Variants in OTUD7B observed in about 807,000 individuals in gnomAD.
OTUD7B encodes the protein OTU domain-containing protein 7B.
In OTUD7B, 34 loss-of-function variants were observed where a neutral mutation model predicts 82.2. That is an observed-to-expected ratio of 0.41 (90% CI 0.31 to 0.55). OTUD7B has a LOEUF of 0.55. OTUD7B is among the 20% of genes least tolerant of loss of function. The probability of loss-of-function intolerance (pLI) is 0.20; values close to 1 mark genes in which losing one functional copy is unlikely to be tolerated. For missense variants in OTUD7B, 944 were observed against 1,062.1 expected, an observed-to-expected ratio of 0.89 and a Z score of 1.55; for synonymous variants, 398 against 402.7, an observed-to-expected ratio of 0.99 and a Z score of 0.14.
rs986806578 is a variant in OTUD7B at position 149,943,810 on chromosome 1, T to C, written c.*47A>G. On this transcript the variant is annotated 3_prime_UTR_variant, in exon 12 of 12. Coordinates refer to ENST00000581312, the MANE Select transcript of OTUD7B (RefSeq NM_020205.4). ...CTGTGTTCTTGATGAGCCAATTAGT[T>C]GAGCTTAACTTTGTTTAGCCTCCTT... 2 of 1,566,684 alleles carry C rather than the reference T, an allele frequency of 1.3e-6. No homozygotes were observed. Among genetic ancestry groups the C allele is most frequent in the Admixed American group, 3.4e-5 (2 of 58,684 alleles).
the OTUD7B span, among the ~76,000 whole-genome samples, chr1:150,058,898 A>G: frequency 2.6e-5 from 4 of 152,128 alleles, no homozygotes; most frequent in Non-Finnish European, 5.9e-5. Flanking sequence ...TTAGGAAAAA[A>G]TATTTCTTTT....
chr1:150,037,879 GT>G, the OTUD7B span, among the ~76,000 whole-genome samples: 3 of 151,120 alleles, frequency 2.0e-5, no homozygotes, highest in Admixed American at 6.6e-5. Flanking sequence ...AGCTTTGTTT[GT>G]TTTTTTCAGA....
chr1:150,024,839 G>A, the OTUD7B span, among the ~76,000 whole-genome samples: 1 of 151,558 alleles, frequency 6.6e-6, no homozygotes, highest in African/African-American at 2.4e-5. Context: ...CTTGAGGTCA[G>A]GAGTTCAAGA....
chr1:150,039,439 G>C, the OTUD7B span, among the ~76,000 whole-genome samples: 1 of 151,916 alleles, frequency 6.6e-6, no homozygotes, highest in East Asian at 1.9e-4. Flanking sequence ...GTGCAGTGGC[G>C]CGATCTAGGC....
At chr1:149,967,072 C>T (rs1291374772) in intron 4 of OTUD7B, among the ~76,000 whole-genome samples, 1 of 152,134 alleles carries the variant, frequency 6.6e-6, no homozygotes, top group Non-Finnish European at 1.5e-5. Flanking sequence ...GGCCTTTTCA[C>T]ATGTGTATCT....
At chr1:149,967,220 G>A (rs1407610996) in intron 4 of OTUD7B, 74 bp downstream of exon 4, 3 of 1,053,528 alleles carry the variant, frequency 2.8e-6, no homozygotes, top group Non-Finnish European at 4.3e-6. Context: ...TAGCGATCAA[G>A]TCCAGCCCCT....
the OTUD7B span, among the ~76,000 whole-genome samples, chr1:150,025,432 A>AACACACAC: frequency 2.1e-4 from 31 of 146,906 alleles, no homozygotes; most frequent in Admixed American, 3.4e-4. Context: ...AAGCAAACAA[A>AACACACAC]ACACACACAC....
chr1:150,005,834 T>C (rs901515028), intron 1 of OTUD7B, among the ~76,000 whole-genome samples: 2 of 152,330 alleles, frequency 1.3e-5, no homozygotes, highest in South Asian at 4.1e-4. Flanking sequence ...GTCCAGATAC[T>C]GTGAATGAAG....
At chr1:150,062,434 C>G in the OTUD7B span, among the ~76,000 whole-genome samples, 1 of 152,118 alleles carries the variant, frequency 6.6e-6, no homozygotes, top group Non-Finnish European at 1.5e-5. Context: ...CGAATGTTTA[C>G]TAGTCATTTA....
intron 1 of OTUD7B, among the ~76,000 whole-genome samples, chr1:150,003,307 G>T (rs1343076162): frequency 1.3e-5 from 2 of 151,060 alleles, no homozygotes; most frequent in Non-Finnish European, 2.9e-5. Context: ...TACCTCTTCA[G>T]CCTGCCCTCC....
intron 2 of OTUD7B, among the ~76,000 whole-genome samples, chr1:149,973,217 G>A (rs782388040): frequency 7.2e-5 from 11 of 152,128 alleles, no homozygotes; most frequent in Non-Finnish European, 1.0e-4. Flanking sequence ...TTTATAATAC[G>A]ATAGTTTACT....
At chr1:150,006,317 C>T (rs112383474) in intron 1 of OTUD7B, among the ~76,000 whole-genome samples, 2,945 of 152,048 alleles carry the variant, frequency 0.019, 80 homozygotes, top group African/African-American at 0.064. Context: ...ATTAACCGGG[C>T]GTGGTGGTGG....
chr1:150,049,470 G>C, the OTUD7B span, among the ~76,000 whole-genome samples: 3 of 152,042 alleles, frequency 2.0e-5, no homozygotes, highest in Non-Finnish European at 4.4e-5. Flanking sequence ...TGTATATTTT[G>C]TGCCATGAAC....
the OTUD7B span, among the ~76,000 whole-genome samples, chr1:150,039,467 T>G: frequency 1.3e-5 from 2 of 152,190 alleles, no homozygotes; most frequent in East Asian, 3.9e-4. Context: ...AAGCTCCGTC[T>G]CCCGGGTTCA....
At chr1:150,030,269 G>A in the OTUD7B span, among the ~76,000 whole-genome samples, 1 of 152,082 alleles carries the variant, frequency 6.6e-6, no homozygotes, top group Non-Finnish European at 1.5e-5. Context: ...GGTGTGGATG[G>A]GAAGGAATTT....
intron 1 of OTUD7B, among the ~76,000 whole-genome samples, chr1:149,995,866 C>T (rs1273444498): frequency 6.6e-6 from 1 of 152,104 alleles, no homozygotes; most frequent in Non-Finnish European, 1.5e-5. Context: ...AAGAATAAAC[C>T]TAGAATGCTA....
intron 6 of OTUD7B, 99 bp from the exon 7 acceptor site, chr1:149,959,895 C>T: frequency 1.3e-6 from 1 of 746,524 alleles, no homozygotes; most frequent in Non-Finnish European, 2.4e-6. Context: ...CTCCCTAATC[C>T]CTTAGCACTT....
chr1:149,974,384 A>G (rs1486484107), intron 2 of OTUD7B, among the ~76,000 whole-genome samples: 1 of 152,128 alleles, frequency 6.6e-6, no homozygotes, highest in African/African-American at 2.4e-5. Flanking sequence ...AGTGTTCTCT[A>G]CAAGTACATT....
intron 6 of OTUD7B, chr1:149,964,003 T>C (rs587661508): frequency 8.5e-6 from 4 of 470,488 alleles, no homozygotes; most frequent in African/African-American, 7.8e-5. Context: ...CAATGTTAGA[T>C]AACCTCTCTG....
Sources: gnomAD v4.1 joint callset for allele counts (sites outside exome capture counted in the v4.1 genomes callset) on GRCh38, gnomAD v4.1.1 for gene constraint, MANE v1.5 for transcripts, NCBI Gene and HGNC (gene_info 2026-07-23, HGNC 2026-07-21) for gene names.